Variants in CDYL2 observed in about 807,000 individuals in gnomAD.
CDYL2 encodes chromodomain Y-like protein 2.
In CDYL2, 23 loss-of-function variants were observed where a neutral mutation model predicts 49.4. The ratio of observed to expected loss-of-function variants is 0.47; its 90% CI spans 0.34 to 0.66. The LOEUF is 0.66. Among genes scored for constraint, CDYL2 ranks in the 30% least tolerant of loss-of-function variants. The pLI is 0.01. For missense variants in CDYL2, 678 were observed against 656.4 expected (o/e 1.03, Z -0.36); for synonymous variants, 360 against 268.8 (o/e 1.34, Z -3.32).
At chr16:80,795,757 G>C (rs541368377) in intron 1 of CDYL2, among the ~76,000 whole-genome samples, 2 of 152,300 alleles carry the variant, frequency 1.3e-5, no homozygotes, top group Admixed American at 6.5e-5. Flanking sequence ...CCCAGGCCTG[G>C]TTGAGTTCTT....
chr16:80,788,523 T>C (rs1490615038), intron 1 of CDYL2, among the ~76,000 whole-genome samples: 2 of 152,238 alleles, frequency 1.3e-5, no homozygotes, highest in African/African-American at 4.8e-5. Context: ...GTAACACTCA[T>C]TGACCTATAC....
intron 1 of CDYL2, among the ~76,000 whole-genome samples, chr16:80,792,438 A>G (rs1186729808): frequency 1.3e-5 from 2 of 152,336 alleles, no homozygotes; most frequent in Admixed American, 6.5e-5. Flanking sequence ...TTACCTATAC[A>G]TGATCCTGTG....
intron 2 of CDYL2, among the ~76,000 whole-genome samples, chr16:80,665,485 G>C (rs181474631): frequency 2.2e-3 from 226 of 104,702 alleles, no homozygotes; most frequent in Non-Finnish European, 3.1e-3. Context: ...TGGTGAAAAA[G>C]TAATTGAGGT....
At chr16:80,688,392 G>A (rs752544470) in intron 1 of CDYL2, among the ~76,000 whole-genome samples, 5 of 152,034 alleles carry the variant, frequency 3.3e-5, no homozygotes, top group Non-Finnish European at 7.4e-5. Flanking sequence ...TCTGGCCTTG[G>A]TGTCCCCATC....
intron 6 of CDYL2, 40 bp downstream of exon 6, chr16:80,608,052 C>G: frequency 6.6e-7 from 1 of 1,524,666 alleles, no homozygotes; most frequent in Non-Finnish European, 8.8e-7. Flanking sequence ...TAAAATGGGT[C>G]TATCAAAAGG....
At position 80,624,631 on chromosome 16, in the gene CDYL2, G is replaced by A. The variant is rs144851354; in HGVS notation, c.835-3696C>T. ...AAGTTGGCATACTCAGCAAATGAGC[G>A]GATTACATAACATGACTTCAAGTAA... is the stretch of plus-strand genomic sequence containing the variant. On this transcript the variant is annotated intron_variant, in intron 3 of 6. Coordinates refer to ENST00000570137, the MANE Select transcript of CDYL2 (RefSeq NM_152342.4). Among the ~76,000 whole-genome samples the A allele has an allele frequency of 3.6e-3, 543 of 152,128 alleles. 6 individuals carry two copies. The highest frequency in any genetic ancestry group is 3.4e-3 in the Middle Eastern group (1 of 294).
chr16:80,632,713 C>G, intron 3 of CDYL2: 2 of 341,912 alleles, frequency 5.8e-6, no homozygotes, highest in Non-Finnish European at 1.1e-5. Flanking sequence ...CTGGAAAAGC[C>G]CAAGATGTGA....
At position 80,602,424 on chromosome 16, in the gene CDYL2, T is replaced by G. The variant is rs961242740; in HGVS notation, c.*1964A>C. 6.6e-6 allele frequency: 1 copy of G among 152,054 alleles called. No individual in the cohort carries two copies. Among genetic ancestry groups the G allele is most frequent in the African/African-American group, 2.4e-5 (1 of 41,386 alleles). 9.4% of individuals were successfully genotyped at this position (152,054 alleles called of 1,614,324 possible). On this transcript the variant is annotated 3_prime_UTR_variant, in exon 7 of 7. Transcript: ENST00000570137. ...ACGCTTTCCAGGGAGGGAACCAAGG[T>G]CATCAGAAGGACCAGCAGTCCAGAT...
chr16:80,659,272 G>A (rs1805473762), intron 2 of CDYL2, among the ~76,000 whole-genome samples: 1 of 152,158 alleles, frequency 6.6e-6, no homozygotes, highest in African/African-American at 2.4e-5. Flanking sequence ...AACAATGGCA[G>A]ACTGAAGAAC....
chr16:80,606,593 G>T (rs1336398005), intron 6 of CDYL2, among the ~76,000 whole-genome samples: 1 of 152,092 alleles, frequency 6.6e-6, no homozygotes, highest in Non-Finnish European at 1.5e-5. Context: ...ATTTCTACCT[G>T]TCTCTCCATG....
Position 80,676,873 on chromosome 16 carries a change from G to C in CDYL2, c.616+7665C>G, listed in dbSNP as rs569365897. On this transcript the variant is annotated intron_variant, in intron 2 of 6. Transcript: ENST00000570137. ...ATGTGTGGTCAGATGATCTATTCTAGAACGTTTAGATTTGCCTGCAAAACC... is the reference window on the plus strand; with the variant it reads ...ATGTGTGGTCAGATGATCTATTCTACAACGTTTAGATTTGCCTGCAAAACC... 1.8e-4 allele frequency among the ~76,000 whole-genome samples: 27 copies of C among 151,462 alleles called. No homozygotes were observed. The South Asian group carries it at 5.2e-3, about 29-fold the overall frequency.
intron 2 of CDYL2, among the ~76,000 whole-genome samples, chr16:80,680,609 A>G (rs1909931673): frequency 6.6e-6 from 1 of 152,186 alleles, no homozygotes; most frequent in African/African-American, 2.4e-5. Flanking sequence ...GTAGTTTTAG[A>G]AAAAAGAGAG....
intron 5 of CDYL2, among the ~76,000 whole-genome samples, chr16:80,609,271 G>C (rs1046400770): frequency 1.3e-5 from 2 of 152,198 alleles, no homozygotes; most frequent in Non-Finnish European, 2.9e-5. Flanking sequence ...TCAAATCCAT[G>C]TGATAGGGTC....
rs966789395 is a variant in CDYL2 at position 80,794,598 on chromosome 16, ATTTTT to A, written c.24+9547_24+9551del. ...TTTTTTAATTATTACATTCCCAGTG[ATTTTT>A]TTTTTTTTTTTTTTTTTTTTTTTTT... On this transcript the variant is annotated intron_variant, in intron 1 of 6. Transcript: ENST00000570137. Among the ~76,000 whole-genome samples the A allele has an allele frequency of 4.7e-3, 311 of 66,820 alleles. 2 individuals carry two copies. The highest frequency in any genetic ancestry group is 0.018 in the African/African-American group (292 of 16,634). The allele number at this position is 66,820 out of a possible 152,430, so 43.8% of individuals were successfully genotyped here. A position where few individuals can be genotyped will look rare whatever the true frequency, so the allele number is the denominator to read the frequency against.
At chr16:80,606,852 T>C (rs900958992) in intron 6 of CDYL2, among the ~76,000 whole-genome samples, 4 of 150,366 alleles carry the variant, frequency 2.7e-5, no homozygotes, top group Non-Finnish European at 5.9e-5. Flanking sequence ...TGGTTGTCAC[T>C]TCTGTCTTGT....
At chr16:80,628,891 G>C (rs1281341804) in intron 3 of CDYL2, among the ~76,000 whole-genome samples, 2 of 152,186 alleles carry the variant, frequency 1.3e-5, no homozygotes, top group Non-Finnish European at 2.9e-5. Flanking sequence ...AATACATGTA[G>C]ACTAACAACT....
intron 1 of CDYL2, among the ~76,000 whole-genome samples, chr16:80,712,983 G>A (rs762266792): frequency 3.9e-5 from 6 of 152,284 alleles, no homozygotes; most frequent in East Asian, 3.9e-4. Flanking sequence ...ACAGATGTCC[G>A]AAGTCAAATG....
In CDYL2 at chr16:80,604,229, T is replaced by C. The variant is rs1345667197; in HGVS notation, c.*159A>G. The C allele has an allele frequency of 3.8e-6, 3 of 789,590 alleles. No homozygotes were observed. In the African/African-American group the frequency reaches 5.2e-5, roughly 14 times the overall value. 48.9% of individuals were successfully genotyped at this position (789,590 alleles called of 1,614,324 possible). A position where few individuals can be genotyped will look rare whatever the true frequency, so the allele number is the denominator to read the frequency against. On this transcript the variant is annotated 3_prime_UTR_variant, in exon 7 of 7. Transcript: ENST00000570137. Reference sequence around the variant, plus strand: ...TGCGTTTTCCATCCATTACACAAAATCAAACCAAGGAGGAGCAACCAAAGG... The same window carrying C: ...TGCGTTTTCCATCCATTACACAAAACCAAACCAAGGAGGAGCAACCAAAGG...
chr16:80,697,211 C>A (rs542207499), intron 1 of CDYL2, among the ~76,000 whole-genome samples: 134 of 152,254 alleles, frequency 8.8e-4, no homozygotes, highest in Middle Eastern at 3.4e-3. Context: ...AACACATCAA[C>A]AACATAGTAC....
Sources: allele counts gnomAD v4.1 joint callset (sites outside exome capture counted in the v4.1 genomes callset), GRCh38; gene constraint gnomAD v4.1.1; transcripts MANE v1.5; gene names NCBI Gene and HGNC (gene_info 2026-07-23, HGNC 2026-07-21).